PRAM1: variants seen among roughly 807,000 people sequenced by gnomAD.
The protein encoded by PRAM1 is PML-RARA regulated adaptor molecule 1.
In PRAM1, 41 loss-of-function variants were observed where a neutral mutation model predicts 55.3. That is an observed-to-expected ratio of 0.74 (90% CI 0.58 to 0.96). The LOEUF (loss-of-function observed/expected upper bound fraction) is 0.96. Ranked by LOEUF, PRAM1 falls within the 40% of genes least tolerant of loss-of-function variation. The pLI is 0.00. For missense variants in PRAM1, 898 were observed against 892.7 expected (o/e 1.01, Z -0.08); for synonymous variants, 401 against 387.1 (o/e 1.04, Z -0.42).
chr19:8,491,650 T>C (rs568662468), intron 4 of PRAM1: 3 of 190,340 alleles, frequency 1.6e-5, no homozygotes, highest in Non-Finnish European at 3.3e-5. Context: ...TTCTCAGGGG[T>C]CATGGGTTCT....
intron 1 of PRAM1, 124 bp from the exon 2 acceptor site, chr19:8,499,904 T>A: frequency 1.3e-6 from 1 of 789,172 alleles, no homozygotes; most frequent in Non-Finnish European, 2.0e-6. Context: ...CGGTCAGCCC[T>A]CAGCTCTTTC....
At position 8,493,492 on chromosome 19, in the gene PRAM1, G is replaced by A. The variant is rs1398497459; in HGVS notation, c.1577-2335C>T. ...ACCCGCCACATTAGAGCACCTCTTG[G>A]CACCGCCATGCAGGCAGCCCTGGTT... On this transcript the variant is annotated intron_variant, in intron 4 of 9. Coordinates refer to ENST00000423345, the MANE Select transcript of PRAM1 (RefSeq NM_032152.5). This position sits in a 1 kb window ranked among gnomAD's most constrained non-coding sequence, Gnocchi z 4.1. Among the ~76,000 whole-genome samples the A allele has an allele frequency of 6.6e-6, 1 of 152,156 alleles. No homozygotes were observed. Among genetic ancestry groups the A allele is most frequent in the African/African-American group, 2.4e-5 (1 of 41,412 alleles).
In PRAM1 at chr19:8,499,757, G is replaced by A. The variant is rs73922116; in HGVS notation, c.51C>T (p.Ser17=). The change falls in exon 2 of 10, where the codon AGC becomes AGT. Residue 17 remains serine, a synonymous_variant. Coordinates refer to ENST00000423345, the MANE Select transcript of PRAM1 (RefSeq NM_032152.5). ...AAMESHQDFR[S]IKAKFQASQP... The stretch of plus-strand genomic sequence containing the variant: ...GAGAGGCCTGGAACTTTGCTTTGAT[G>A]CTCCGGAAGTCCTGATGGCTCTCCT... 554 of 1,609,202 alleles carry A rather than the reference G, an allele frequency of 3.4e-4. No individual in the cohort carries two copies. In the African/African-American group the frequency reaches 6.4e-3, roughly 19 times the overall value.
At chr19:8,495,633 G>A (rs1020279619) in intron 4 of PRAM1, among the ~76,000 whole-genome samples, 5 of 152,070 alleles carry the variant, frequency 3.3e-5, no homozygotes, top group East Asian at 1.9e-4. Flanking sequence ...GGCAGGCAAG[G>A]TGCTTGCCTG....
In PRAM1 at chr19:8,490,906, T is replaced by A. The variant is rs914240115; in HGVS notation, c.1724A>T (p.Glu575Val). The change falls in exon 6 of 10, where the codon GAG (glutamate) becomes GTG (valine). Residue 575 changes from glutamate to valine, a missense_variant. Glu to Val is a moderately radical substitution (Grantham distance 121). This residue lies in a region of PRAM1 where 787 missense variants were observed against 735.4 expected (regional missense o/e 1.07). Coordinates refer to ENST00000423345, the MANE Select transcript of PRAM1 (RefSeq NM_032152.5). This position sits in a 1 kb window ranked among gnomAD's most constrained non-coding sequence, Gnocchi z 7.3. ...QLRKAEKAER[E>V]FRKKFKFEGE... is the part of the protein sequence containing the mutation. ...CCTCACCTTGAACTTCTTCCGGAAC[T>A]CCCTCTCGGCCTTCTCTGCCTTCCT... The A allele has an allele frequency of 6.2e-7, 1 of 1,613,612 alleles. No individual in the cohort carries two copies. Among genetic ancestry groups the A allele is most frequent in the African/African-American group, 1.3e-5 (1 of 75,046 alleles).
At chr19:8,500,194 A>G (rs551614099) in intron 1 of PRAM1, among the ~76,000 whole-genome samples, 3 of 149,586 alleles carry the variant, frequency 2.0e-5, no homozygotes, top group Non-Finnish European at 4.4e-5. Context: ...GCAGCTTGCA[A>G]CTCCTGGGCT....
In PRAM1 at chr19:8,491,124, C is replaced by T. The variant is rs368598114; in HGVS notation, c.1610G>A (p.Arg537Lys). ...EAPSVQQAAR[R>K]PPQDPALRKE... is the part of the protein sequence containing the mutation. ...CCTGAGCGCTGGGTCTTGTGGTGGC[C>T]TCCTGGCGGCTTGCTGAACTGAGGG... The change falls in exon 5 of 10, where the codon AGG becomes AAG. Residue 537 changes from arginine to lysine, a missense_variant. By Grantham distance (26) the Arg-to-Lys change is conservative (BLOSUM62 2). Around this residue, in one of 4 missense-constraint regions of PRAM1, gnomAD observed 787 missense variants for 735.4 expected, o/e 1.07. Coordinates refer to ENST00000423345, the MANE Select transcript of PRAM1 (RefSeq NM_032152.5). 5.0e-6 allele frequency: 8 copies of T among 1,611,814 alleles called. No individual in the cohort carries two copies. Among genetic ancestry groups the T allele is most frequent in the African/African-American group, 2.7e-5 (2 of 74,914 alleles).
chr19:8,498,296 G>A lies in PRAM1; in HGVS notation c.1433-7C>T, dbSNP rs1278907478. On this transcript the variant is annotated splice_polypyrimidine_tract_variant and splice_region_variant and intron_variant, in intron 2 of 9. Coordinates refer to ENST00000423345, the MANE Select transcript of PRAM1 (RefSeq NM_032152.5). ...GAGCGGGTCCTCCGTAGATCTGTGG[G>A]GTAGAGAGTAGGGCAGGGAAGCCGG... is the stretch of plus-strand genomic sequence containing the variant. 1.9e-6 allele frequency: 3 copies of A among 1,611,370 alleles called. No individual in the cohort carries two copies. The highest frequency in any genetic ancestry group is 2.5e-6 in the Non-Finnish European group (3 of 1,179,174).
rs1568318151 is a variant in PRAM1, at chr19:8,499,580, G to A, written c.228C>T (p.Val76=). ...AVSLKPPPPE[V]TDLPKKPPPP... Reference sequence around the variant, plus strand: ...GCGGGGGCTTCTTGGGGAGGTCAGTGACCTCAGGCGGCGGGGGCTTCAAGG... The same window carrying A: ...GCGGGGGCTTCTTGGGGAGGTCAGTAACCTCAGGCGGCGGGGGCTTCAAGG... Residue 76 remains valine (V), a synonymous_variant, in exon 2 of 10, where the codon GTC becomes GTT. Transcript: ENST00000423345. The A allele has an allele frequency of 1.3e-6, 2 of 1,566,032 alleles. No individual in the cohort carries two copies.
At chr19:8,499,851 A>T in intron 1 of PRAM1, 71 bp from the exon 2 acceptor site, 5 of 1,304,964 alleles carry the variant, frequency 3.8e-6, no homozygotes, top group Non-Finnish European at 5.2e-6. Flanking sequence ...GGGCCTGGGG[A>T]CCCTCAGGCA....
chr19:8,498,173 T>A (rs1194268712), intron 3 of PRAM1, 50 bp downstream of exon 3: 6 of 1,579,268 alleles, frequency 3.8e-6, no homozygotes, highest in Non-Finnish European at 5.2e-6. Flanking sequence ...AGATGAGGCC[T>A]CTTTGAGCCC....
chr19:8,490,501 C>T lies in PRAM1; in HGVS notation c.1915G>A (p.Val639Met), dbSNP rs753195316. The change falls in exon 8 of 10, where the codon GTG (valine) becomes ATG (methionine). Residue 639 changes from valine to methionine, a missense_variant. Around this residue, in one of 4 missense-constraint regions of PRAM1, gnomAD observed 787 missense variants for 735.4 expected, o/e 1.07. Transcript: ENST00000423345. The surrounding 1 kb of genome is among the most constrained non-coding windows in gnomAD (Gnocchi z 7.3). ...AGGGGCAGGAGCGCTGTTCTGGGCACGTAGCCATCTGTGGAGAGAGTGGGC... is the reference window on the plus strand; with the variant it reads ...AGGGGCAGGAGCGCTGTTCTGGGCATGTAGCCATCTGTGGAGAGAGTGGGC... Reference protein sequence around the residue: ...CRDPKGKYGYVPRTALLPLET... With the variant: ...CRDPKGKYGYMPRTALLPLET... 8.1e-6 allele frequency: 13 copies of T among 1,611,896 alleles called. No homozygotes were observed. The highest frequency in any genetic ancestry group is 1.3e-5 in the African/African-American group (1 of 75,008).
At chr19:8,492,718 C>G (rs1325469841) in intron 4 of PRAM1, among the ~76,000 whole-genome samples, 1 of 152,088 alleles carries the variant, frequency 6.6e-6, no homozygotes, top group East Asian at 1.9e-4. Flanking sequence ...ATATCATGGC[C>G]AGGCATGGTG....
chr19:8,498,372 C>T lies in PRAM1; in HGVS notation c.1432+4G>A. On this transcript the variant is annotated splice_donor_region_variant and intron_variant, in intron 2 of 9. Transcript: ENST00000423345. ...TCCTGCCGGTGCCGCCCGCCCTCAC[C>T]CACCTATGGATGCTGCAGAGGGTCT... 6.3e-7 allele frequency: 1 copy of T among 1,584,240 alleles called. No individual in the cohort carries two copies. The highest frequency in any genetic ancestry group is 8.6e-7 in the Non-Finnish European group (1 of 1,165,188).
In PRAM1 at chr19:8,490,473, C is replaced by A; in HGVS notation, c.1940+3G>T. 3 of 1,612,824 alleles carry A rather than the reference C, an allele frequency of 1.9e-6. No individual in the cohort carries two copies. The highest frequency in any genetic ancestry group is 2.5e-6 in the Non-Finnish European group (3 of 1,179,412). ...CCCCACCACGGTCAGGGCTGGCACT[C>A]ACAGGGGCAGGAGCGCTGTTCTGGG... On this transcript the variant is annotated splice_donor_region_variant and intron_variant, in intron 8 of 9. Transcript: ENST00000423345. The surrounding 1 kb of genome is among the most constrained non-coding windows in gnomAD (Gnocchi z 7.3).
In PRAM1 at chr19:8,499,596, G is replaced by C. The variant is rs952769700; in HGVS notation, c.212C>G (p.Pro71Arg). The C allele has an allele frequency of 9.9e-6, 16 of 1,609,016 alleles. No homozygotes were observed. The highest frequency in any genetic ancestry group is 1.4e-5 in the Non-Finnish European group (16 of 1,179,528). ...GAGGTCAGTGACCTCAGGCGGCGGGGGCTTCAAGGACACTGCACCAAACTC... is the reference window on the plus strand; with the variant it reads ...GAGGTCAGTGACCTCAGGCGGCGGGCGCTTCAAGGACACTGCACCAAACTC... ...LPEFGAVSLKPPPPEVTDLPK... is the reference protein window; with the variant it reads ...LPEFGAVSLKRPPPEVTDLPK... The change falls in exon 2 of 10, where the codon CCC (proline) becomes CGC (arginine). Residue 71 changes from proline (P) to arginine (R), a missense_variant. Physicochemically the swap from Pro to Arg is moderately radical, Grantham distance 103. Around this residue, in one of 4 missense-constraint regions of PRAM1, gnomAD observed 79 missense variants for 93.4 expected, o/e 0.85. Coordinates refer to ENST00000423345, the MANE Select transcript of PRAM1 (RefSeq NM_032152.5).
Position 8,498,561 on chromosome 19 carries a change from G to C in PRAM1, c.1247C>G (p.Pro416Arg), listed in dbSNP as rs1465336729. ...LSPGFGAAGT[P>R]RWRSGGLVHS... Reference sequence around the variant, plus strand: ...AACCAGGCCTCCTGACCTCCAGCGGGGTGTCCCAGCCGCTCCAAACCCAGG... The same window carrying C: ...AACCAGGCCTCCTGACCTCCAGCGGCGTGTCCCAGCCGCTCCAAACCCAGG... Residue 416 changes from proline to arginine, a missense_variant, in exon 2 of 10, where the codon CCC becomes CGC. By Grantham distance (103) the Pro-to-Arg change is moderately radical. This residue lies in a region of PRAM1 where 787 missense variants were observed against 735.4 expected (regional missense o/e 1.07). Transcript: ENST00000423345. 5.6e-6 allele frequency: 9 copies of C among 1,611,798 alleles called. No individual in the cohort carries two copies. The highest frequency in any genetic ancestry group is 1.6e-4 in the Middle Eastern group (1 of 6,066).
intron 4 of PRAM1, among the ~76,000 whole-genome samples, chr19:8,495,070 G>T (rs1272009935): frequency 6.6e-6 from 1 of 151,804 alleles, no homozygotes; most frequent in African/African-American, 2.4e-5. Context: ...CTTCCGAATA[G>T]CTGGGATGAC....
chr19:8,491,019 G>C (rs1309227717), intron 5 of PRAM1, 24 bp from the exon 6 acceptor site: 3 of 1,612,964 alleles, frequency 1.9e-6, no homozygotes, highest in Middle Eastern at 1.7e-4. Flanking sequence ...CCAAGGAATT[G>C]TGTGCTCGTG....
Sources: gnomAD v4.1 joint callset for allele counts (sites outside exome capture counted in the v4.1 genomes callset) on GRCh38, gnomAD v4.1.1 for gene constraint, gnomAD v4.1.1 regional missense constraint, Gnocchi (gnomAD v3.1) non-coding constraint, MANE v1.5 for transcripts, NCBI Gene and HGNC (gene_info 2026-07-23, HGNC 2026-07-21) for gene names.